The following PRDX5 variants were observed in gnomAD, a reference collection of about 807,000 sequenced individuals.
PRDX5 encodes peroxiredoxin 5.
Under a neutral mutation model 23.8 loss-of-function variants are expected in PRDX5, and 21 were observed. That is an observed-to-expected ratio of 0.88 (90% CI 0.63 to 1.27). PRDX5 has a LOEUF of 1.27. Ranked by LOEUF, PRDX5 falls within the 50% of genes most tolerant of loss-of-function variation. The pLI is 0.00. For missense variants in PRDX5, 261 were observed against 270.6 expected, an observed-to-expected ratio of 0.96 and a Z score of 0.25; for synonymous variants, 111 against 113.3, an observed-to-expected ratio of 0.98 and a Z score of 0.13.
rs765804184 is a variant in PRDX5 at position 64,321,079 on chromosome 11, A to G, written c.539+11A>G. 6.2e-7 allele frequency: 1 copy of G among 1,611,262 alleles called. No individual in the cohort carries two copies. The highest frequency in any genetic ancestry group is 1.3e-5 in the African/African-American group (1 of 74,828). ...TCGACGTCTCAAGAGGTAAAAGTGG[A>G]GAGTCCTCTGTGGAGAGAGTCCTCT... On this transcript the variant is annotated intron_variant, in intron 5 of 5. Transcript: ENST00000265462.
chr11:64,318,134 T>A lies in PRDX5; in HGVS notation c.-82T>A, dbSNP rs1440276442. 3 of 1,569,080 alleles carry A rather than the reference T, an allele frequency of 1.9e-6. No individual in the cohort carries two copies. The highest frequency in any genetic ancestry group is 1.4e-5 in the African/African-American group (1 of 73,442). ...GCCCAGGCCCGCCTTCCGCAGGGTGTCGCCGCTGTGCCGCTAGCGGTGCCC... is the reference window on the plus strand; with the variant it reads ...GCCCAGGCCCGCCTTCCGCAGGGTGACGCCGCTGTGCCGCTAGCGGTGCCC... On this transcript the variant is annotated 5_prime_UTR_variant, in exon 1 of 6. Transcript: ENST00000265462.
At position 64,318,157 on chromosome 11, in the gene PRDX5, C is replaced by T; in HGVS notation, c.-59C>T. On this transcript the variant is annotated 5_prime_UTR_variant, in exon 1 of 6. Coordinates refer to ENST00000265462, the MANE Select transcript of PRDX5 (RefSeq NM_012094.5). The stretch of plus-strand genomic sequence containing the variant: ...TGTCGCCGCTGTGCCGCTAGCGGTG[C>T]CCCGCCTGCTGCGGTGGCACCAGCC... 5 of 1,601,832 alleles carry T rather than the reference C, an allele frequency of 3.1e-6. No individual in the cohort carries two copies. Among genetic ancestry groups the T allele is most frequent in the South Asian group, 1.1e-5 (1 of 90,148 alleles).
rs146116637 is a variant in PRDX5, at chr11:64,320,999, C to T, written c.478-8C>T. 2.3e-3 allele frequency: 3,634 copies of T among 1,614,070 alleles called. 7 individuals are homozygous for T. Among genetic ancestry groups the T allele is most frequent in the Non-Finnish European group, 2.9e-3 (3,438 of 1,179,942 alleles). On this transcript the variant is annotated splice_polypyrimidine_tract_variant and splice_region_variant and intron_variant, in intron 4 of 5. Coordinates refer to ENST00000265462, the MANE Select transcript of PRDX5 (RefSeq NM_012094.5). ...GGATTTCTGACACTTTTCTCTGTCT[C>T]TTCTTAGGAGACAGACTTATTACTA...
intron 2 of PRDX5, 101 bp from the exon 3 acceptor site, chr11:64,320,560 A>G (rs562842738): frequency 5.4e-6 from 8 of 1,476,112 alleles, no homozygotes; most frequent in Non-Finnish European, 7.3e-6. Context: ...TGTCTGATCA[A>G]AGGTGTTGAG....
chr11:64,321,162 G>C (rs988888878), intron 5 of PRDX5, 94 bp downstream of exon 5: 193 of 1,429,710 alleles, frequency 1.3e-4, no homozygotes, highest in Non-Finnish European at 1.7e-4. Context: ...TCTGTGGGAA[G>C]AGTCGTCTGT....
rs776391068 is a variant in PRDX5, at chr11:64,320,665, A to G, written c.311A>G (p.His104Arg). The G allele has an allele frequency of 2.5e-6, 4 of 1,594,146 alleles. No individual in the cohort carries two copies. Among genetic ancestry groups the G allele is most frequent in the Non-Finnish European group, 3.4e-6 (4 of 1,168,110 alleles). ...GAFTPGCSKT[H>R]LPGFVEQAEA... ...CCCTTTGTTCCCCTTCCTCAGACAC[A>G]CCTGCCAGGGTTTGTGGAGCAGGCT... Residue 104 changes from histidine to arginine, a missense_variant, in exon 3 of 6, where the codon CAC becomes CGC. By Grantham distance (29) the His-to-Arg change is conservative (BLOSUM62 0). Coordinates refer to ENST00000265462, the MANE Select transcript of PRDX5 (RefSeq NM_012094.5).
intron 5 of PRDX5, among the ~76,000 whole-genome samples, chr11:64,321,369 C>T (rs2035495633): frequency 7.1e-6 from 1 of 140,464 alleles, no homozygotes; most frequent in South Asian, 2.3e-4. Flanking sequence ...GGAGAGTCCT[C>T]TGGGGAGAGA....
At chr11:64,320,228 G>C (rs10128649) in intron 2 of PRDX5, among the ~76,000 whole-genome samples, 10,740 of 151,908 alleles carry the variant, frequency 0.071, 1,064 homozygotes, top group African/African-American at 0.22. Flanking sequence ...GCAGTGAGTG[G>C]AGATCGTGCC....
At chr11:64,319,993 G>A (rs1398850157) in intron 2 of PRDX5, 125 bp downstream of exon 2, 13 of 1,374,790 alleles carry the variant, frequency 9.5e-6, no homozygotes, top group Non-Finnish European at 1.2e-5. Flanking sequence ...AGTAGAGCTG[G>A]GTAGAGCTGG....
chr11:64,318,438 C>G (rs1404749338), intron 1 of PRDX5, 52 bp downstream of exon 1: 33 of 1,549,272 alleles, frequency 2.1e-5, no homozygotes, highest in Non-Finnish European at 2.9e-5. Flanking sequence ...CCATGGCAAT[C>G]CCCGTCCCGC....
rs923062745 is a variant in PRDX5, at chr11:64,321,620, G to A, written c.574G>A (p.Ala192Thr). ...GGTGGTACAGGATGGCATAGTGAAG[G>A]CCCTGAATGTGGAACCAGATGGCAC... ...SMVVQDGIVK[A>T]LNVEPDGTGL... Residue 192 changes from alanine to threonine, a missense_variant, in exon 6 of 6, where the codon GCC becomes ACC. Physicochemically the swap from Ala to Thr is moderately conservative, Grantham distance 58. Coordinates refer to ENST00000265462, the MANE Select transcript of PRDX5 (RefSeq NM_012094.5). 1 of 1,613,584 alleles carries A rather than the reference G, an allele frequency of 6.2e-7. No homozygotes were observed. The highest frequency in any genetic ancestry group is 8.5e-7 in the Non-Finnish European group (1 of 1,179,838).
chr11:64,320,667 C>T lies in PRDX5; in HGVS notation c.313C>T (p.Leu105=), dbSNP rs748314332. The change falls in exon 3 of 6, where the codon CTG becomes TTG. Residue 105 remains leucine (L), a synonymous_variant. Coordinates refer to ENST00000265462, the MANE Select transcript of PRDX5 (RefSeq NM_012094.5). ...CTTTGTTCCCCTTCCTCAGACACAC[C>T]TGCCAGGGTTTGTGGAGCAGGCTGA... The part of the protein sequence containing the change: ...AFTPGCSKTH[L]PGFVEQAEAL... The T allele has an allele frequency of 5.6e-6, 9 of 1,596,296 alleles. No individual in the cohort carries two copies. The highest frequency in any genetic ancestry group is 1.1e-5 in the South Asian group (1 of 89,302).
rs763231697 is a variant in PRDX5 at position 64,320,768 on chromosome 11, C to T, written c.414C>T (p.Gly138=). 3 of 1,613,988 alleles carry T rather than the reference C, an allele frequency of 1.9e-6. No homozygotes were observed. Among genetic ancestry groups the T allele is most frequent in the Admixed American group, 3.3e-5 (2 of 59,994 alleles). Residue 138 remains glycine (G), a synonymous_variant, in exon 3 of 6, where the codon GGC becomes GGT. Transcript: ENST00000265462. ...VNDAFVTGEW[G]RAHKAEGKVR... The stretch of plus-strand genomic sequence containing the variant: ...ATGCCTTTGTGACTGGCGAGTGGGG[C>T]CGAGCCCACAAGGCGGAAGGCAAGG...
rs780480903 is a variant in PRDX5 at position 64,321,645 on chromosome 11, C to T, written c.599C>T (p.Thr200Ile). ...VKALNVEPDG[T>I]GLTCSLAPNI... The stretch of plus-strand genomic sequence containing the variant: ...GCCCTGAATGTGGAACCAGATGGCA[C>T]AGGCCTCACCTGCAGCCTGGCACCC... The change falls in exon 6 of 6, where the codon ACA becomes ATA. Residue 200 changes from threonine to isoleucine, a missense_variant. Thr to Ile is a moderately conservative substitution (Grantham distance 89, BLOSUM62 -1). Coordinates refer to ENST00000265462, the MANE Select transcript of PRDX5 (RefSeq NM_012094.5). 6.2e-7 allele frequency: 1 copy of T among 1,610,408 alleles called. No homozygotes were observed. The highest frequency in any genetic ancestry group is 1.1e-5 in the South Asian group (1 of 90,568).
chr11:64,319,443 A>G (rs1316437429), intron 1 of PRDX5, among the ~76,000 whole-genome samples: 1 of 152,092 alleles, frequency 6.6e-6, no homozygotes, highest in Non-Finnish European at 1.5e-5. Context: ...CCTGTAACCT[A>G]GACAGCATGT....
rs1565383373 is a variant in PRDX5, at chr11:64,320,846, AC to A, written c.439-17del. ...GACCAGGTAGGATATTCTTCTTGTG[AC>A]CTTTACTTTCTCTGCAGGTTCGGCT... On this transcript the variant is annotated intron_variant, in intron 3 of 5. Coordinates refer to ENST00000265462, the MANE Select transcript of PRDX5 (RefSeq NM_012094.5). 1 of 1,614,028 alleles carries A rather than the reference AC, an allele frequency of 6.2e-7. No individual in the cohort carries two copies. The highest frequency in any genetic ancestry group is 8.5e-7 in the Non-Finnish European group (1 of 1,180,000).
At chr11:64,319,941 T>C (rs1591256783) in intron 2 of PRDX5, 73 bp downstream of exon 2, 4 of 1,547,888 alleles carry the variant, frequency 2.6e-6, no homozygotes, top group South Asian at 1.2e-5. Context: ...CACATAGTCC[T>C]GATAGGACTC....
chr11:64,318,194 T>C lies in PRDX5; in HGVS notation c.-22T>C, dbSNP rs765576811. 3.1e-5 allele frequency: 50 copies of C among 1,609,474 alleles called. No individual in the cohort carries two copies. Among genetic ancestry groups the C allele is most frequent in the Non-Finnish European group, 3.8e-5 (45 of 1,178,962 alleles). ...CGGTGGCACCAGCCAGGAGGCGGAG[T>C]GGAAGTGGCCGTGGGGCGGGTATGG... On this transcript the variant is annotated 5_prime_UTR_variant, in exon 1 of 6. Coordinates refer to ENST00000265462, the MANE Select transcript of PRDX5 (RefSeq NM_012094.5).
Position 64,318,387 on chromosome 11 carries a change from G to T in PRDX5, c.171+1G>T. On this transcript the variant is annotated splice_donor_variant, in intron 1 of 5. Transcript: ENST00000265462. LOFTEE classifies it high-confidence loss of function. ...CGCTGCAGCCATGGCCCCAATCAAGGTGACCGCTGGCCCGGCCGGGCCTGA... is the reference window on the plus strand; with the variant it reads ...CGCTGCAGCCATGGCCCCAATCAAGTTGACCGCTGGCCCGGCCGGGCCTGA... 5.0e-6 allele frequency: 8 copies of T among 1,604,072 alleles called. No individual in the cohort carries two copies. The highest frequency in any genetic ancestry group is 6.0e-6 in the Non-Finnish European group (7 of 1,176,334).
Sources: allele counts gnomAD v4.1 joint callset (sites outside exome capture counted in the v4.1 genomes callset), GRCh38; gene constraint gnomAD v4.1.1; transcripts MANE v1.5; gene names NCBI Gene and HGNC (gene_info 2026-07-23, HGNC 2026-07-21).